Variants in ZFAT observed in about 807,000 individuals in gnomAD.
ZFAT encodes zinc finger protein ZFAT.
Under a neutral mutation model 117.7 loss-of-function variants are expected in ZFAT, and 64 were observed. The observed-to-expected ratio is 0.54, with a 90% CI of 0.44 to 0.67. The LOEUF (loss-of-function observed/expected upper bound fraction) is 0.67. Among genes scored for constraint, ZFAT ranks in the 30% least tolerant of loss-of-function variants. The pLI is 0.00. For synonymous variants in ZFAT, 679 were observed against 615.0 expected, an observed-to-expected ratio of 1.10 and a Z score of -1.54; for missense variants, 1,433 against 1,584.5, an observed-to-expected ratio of 0.90 and a Z score of 1.62.
At chr8:134,557,570 C>T (rs940443329) in intron 11 of ZFAT, among the ~76,000 whole-genome samples, 4 of 152,240 alleles carry the variant, frequency 2.6e-5, no homozygotes, top group East Asian at 3.9e-4. Flanking sequence ...ACTCTCTGTA[C>T]TATAGTCACA....
chr8:134,638,703 G>A (rs1830403841), intron 2 of ZFAT, among the ~76,000 whole-genome samples: 1 of 151,690 alleles, frequency 6.6e-6, no homozygotes, highest in Admixed American at 6.6e-5. Context: ...ACTCCAGCCT[G>A]GGCAACAGAG....
chr8:134,524,214 C>T (rs1018719983), intron 12 of ZFAT, among the ~76,000 whole-genome samples: 13 of 152,114 alleles, frequency 8.5e-5, no homozygotes, highest in Non-Finnish European at 1.5e-4. Flanking sequence ...CAGTGTTATC[C>T]GAGGGCCTGC....
chr8:134,593,581 G>C (rs1421714403), intron 7 of ZFAT, among the ~76,000 whole-genome samples: 1 of 152,172 alleles, frequency 6.6e-6, no homozygotes, highest in Non-Finnish European at 1.5e-5. Context: ...AAGCAATCAG[G>C]ACCCTTTGAA....
intron 1 of ZFAT, among the ~76,000 whole-genome samples, chr8:134,676,291 C>T (rs1195000935): frequency 2.7e-5 from 4 of 145,584 alleles, no homozygotes; most frequent in African/African-American, 1.0e-4. Context: ...CCAGGGGTTG[C>T]AATCCTAGTC....
At chr8:134,504,527 AG>A (rs954378980) in intron 15 of ZFAT, among the ~76,000 whole-genome samples, 3 of 152,208 alleles carry the variant, frequency 2.0e-5, no homozygotes, top group Admixed American at 6.5e-5. Flanking sequence ...AGTCTTAGAC[AG>A]GCACTGATTG....
At chr8:134,795,238 C>G in the ZFAT span, 3 of 152,150 alleles carry the variant, frequency 2.0e-5, no homozygotes, top group Non-Finnish European at 4.4e-5. Flanking sequence ...AGGGTGGGGT[C>G]TGGTCATCGG....
chr8:134,775,605 T>C, the ZFAT span, among the ~76,000 whole-genome samples: 1 of 152,236 alleles, frequency 6.6e-6, no homozygotes, highest in Non-Finnish European at 1.5e-5. Flanking sequence ...CTCTTTAGCT[T>C]GGCAAATACT....
chr8:134,589,751 A>T (rs144933079), intron 8 of ZFAT, among the ~76,000 whole-genome samples: 478 of 152,364 alleles, frequency 3.1e-3, no homozygotes, highest in Non-Finnish European at 4.5e-3. Flanking sequence ...AACAGGAATT[A>T]ACCAGGTAGG....
At chr8:134,565,994 C>T (rs1164681318) in intron 10 of ZFAT, among the ~76,000 whole-genome samples, 1 of 151,836 alleles carries the variant, frequency 6.6e-6, no homozygotes, top group African/African-American at 2.4e-5. Flanking sequence ...CAGCAAAGTG[C>T]AGGATCTGCG....
At chr8:134,622,903 G>A (rs58354475) in intron 3 of ZFAT, among the ~76,000 whole-genome samples, 4,997 of 152,138 alleles carry the variant, frequency 0.033, 294 homozygotes, top group African/African-American at 0.11. Context: ...TGTTTACCCT[G>A]CTTTTCCCAG....
intron 1 of ZFAT, among the ~76,000 whole-genome samples, chr8:134,660,460 G>T (rs1831869241): frequency 6.6e-6 from 1 of 152,228 alleles, no homozygotes; most frequent in African/African-American, 2.4e-5. Context: ...AACCACAGGT[G>T]GGCCCCACCC....
chr8:134,819,496 A>ACCCCCCCCCCCCCC, the ZFAT span, among the ~76,000 whole-genome samples: 39 of 39,340 alleles, frequency 9.9e-4, no homozygotes, highest in Admixed American at 1.5e-3. Context: ...CGGATTTACC[A>ACCCCCCCCCCCCCC]CCCCCCCCCC....
intron 11 of ZFAT, among the ~76,000 whole-genome samples, chr8:134,554,123 CCA>C (rs1358509201): frequency 6.6e-6 from 1 of 152,222 alleles, no homozygotes; most frequent in Non-Finnish European, 1.5e-5. Context: ...CTCACATAAG[CCA>C]CAGTCTGCTG....
the ZFAT span, among the ~76,000 whole-genome samples, chr8:134,732,949 A>G: frequency 1.3e-5 from 2 of 152,120 alleles, no homozygotes; most frequent in Non-Finnish European, 2.9e-5. Flanking sequence ...AGTGAACCCA[A>G]ATGTGAACTA....
intron 15 of ZFAT, among the ~76,000 whole-genome samples, chr8:134,489,430 G>A (rs779403612): frequency 3.9e-5 from 6 of 152,050 alleles, no homozygotes; most frequent in East Asian, 3.9e-4. Flanking sequence ...TGGCCAGTCC[G>A]ACCCTCACAG....
chr8:134,631,565 C>T (rs753548587), intron 3 of ZFAT, among the ~76,000 whole-genome samples: 1 of 152,208 alleles, frequency 6.6e-6, no homozygotes, highest in African/African-American at 2.4e-5. Flanking sequence ...CACAAAAGGT[C>T]ACATACTGTG....
intron 11 of ZFAT, among the ~76,000 whole-genome samples, chr8:134,551,068 C>CGAGTCT (rs1281739087): frequency 3.3e-5 from 5 of 152,078 alleles, no homozygotes; most frequent in Non-Finnish European, 7.4e-5. Flanking sequence ...AGATTTTGCT[C>CGAGTCT]GAGTCTTGAT....
the ZFAT span, among the ~76,000 whole-genome samples, chr8:134,772,421 G>GAAGATC: frequency 6.6e-6 from 1 of 152,162 alleles, no homozygotes; most frequent in Non-Finnish European, 1.5e-5. Context: ...GGTCTGGGTA[G>GAAGATC]AAGATCAAAC....
chr8:134,521,848 C>T (rs1282099976), intron 12 of ZFAT, among the ~76,000 whole-genome samples: 1 of 152,214 alleles, frequency 6.6e-6, no homozygotes, highest in Non-Finnish European at 1.5e-5. Context: ...GGGCCGCCAC[C>T]CTGAGCTGGG....
Sources: gnomAD v4.1 joint callset for allele counts (sites outside exome capture counted in the v4.1 genomes callset) on GRCh38, gnomAD v4.1.1 for gene constraint, MANE v1.5 for transcripts, NCBI Gene and HGNC (gene_info 2026-07-23, HGNC 2026-07-21) for gene names.